ZNF804A: variants seen among roughly 807,000 people sequenced by gnomAD.
ZNF804A encodes zinc finger protein 804A.
In ZNF804A, 2 loss-of-function variants were observed where a neutral mutation model predicts 16.5. That is an observed-to-expected ratio of 0.12 (90% CI 0.05 to 0.38). The LOEUF (loss-of-function observed/expected upper bound fraction) is 0.38. ZNF804A is among the 10% of genes least tolerant of loss of function. ZNF804A has a pLI of 0.99. For synonymous variants in ZNF804A, 534 were observed against 489.6 expected (o/e 1.09, Z -1.20); for missense variants, 1,473 against 1,390.7 (o/e 1.06, Z -0.94).
At chr2:184,860,149 C>T (rs1695774971) in intron 1 of ZNF804A, among the ~76,000 whole-genome samples, 1 of 152,190 alleles carries the variant, frequency 6.6e-6, no homozygotes, top group Non-Finnish European at 1.5e-5. Context: ...GGGCCTTGGC[C>T]TTGGGTCCTC....
At position 184,886,805 on chromosome 2, in the gene ZNF804A, G is replaced by A. The variant is rs187092887; in HGVS notation, c.255+20293G>A. On this transcript the variant is annotated intron_variant, in intron 2 of 3. Coordinates refer to ENST00000302277, the MANE Select transcript of ZNF804A (RefSeq NM_194250.2). ...ACCAAGTCCCTAGGCTGCACACAGC[G>A]TGGGGGCCTGGGGCCTGGCCCACAA... Among the ~76,000 whole-genome samples the A allele has an allele frequency of 3.6e-3, 553 of 152,318 alleles. 4 individuals are homozygous for A. Among genetic ancestry groups the A allele is most frequent in the Non-Finnish European group, 6.3e-3 (426 of 68,030 alleles).
chr2:184,778,819 G>A (rs1694331147), intron 1 of ZNF804A, among the ~76,000 whole-genome samples: 1 of 151,522 alleles, frequency 6.6e-6, no homozygotes, highest in African/African-American at 2.4e-5. Flanking sequence ...GAAGCTCAAG[G>A]ACTAAAATGA....
At chr2:184,759,001 T>A (rs1179317710) in intron 1 of ZNF804A, among the ~76,000 whole-genome samples, 1 of 151,766 alleles carries the variant, frequency 6.6e-6, no homozygotes, top group Non-Finnish European at 1.5e-5. Flanking sequence ...ATTATGTATA[T>A]GCAATATCAT....
chr2:184,745,060 AAGGATTGAGTTATTATACTTTATAT>A (rs1693768430), intron 1 of ZNF804A, among the ~76,000 whole-genome samples: 1 of 151,808 alleles, frequency 6.6e-6, no homozygotes. Context: ...CTGTTGCTCT[AAGGATTGAGTTATTATACTTTATAT>A]TACTTACCAT....
chr2:184,689,768 C>T (rs1425332444), intron 1 of ZNF804A, among the ~76,000 whole-genome samples: 3 of 151,986 alleles, frequency 2.0e-5, no homozygotes, highest in South Asian at 4.1e-4. Flanking sequence ...ACAGAAACTA[C>T]ATTTGGAAGA....
chr2:184,847,479 T>G (rs1378793948), intron 1 of ZNF804A, among the ~76,000 whole-genome samples: 3 of 152,086 alleles, frequency 2.0e-5, no homozygotes, highest in African/African-American at 7.2e-5. Context: ...ACATTTATAA[T>G]GAGACAACAG....
At chr2:184,600,192 A>G (rs1377529261) in intron 1 of ZNF804A, among the ~76,000 whole-genome samples, 2 of 152,180 alleles carry the variant, frequency 1.3e-5, no homozygotes, top group Admixed American at 6.5e-5. Flanking sequence ...TTCTTTATGT[A>G]TCTTAAAATA....
At chr2:184,736,854 T>C (rs970543670) in intron 1 of ZNF804A, among the ~76,000 whole-genome samples, 1 of 136,316 alleles carries the variant, frequency 7.3e-6, no homozygotes. Context: ...AACTCGTATT[T>C]CTTCTTTTTT....
At chr2:184,632,130 G>A (rs1691621935) in intron 1 of ZNF804A, among the ~76,000 whole-genome samples, 1 of 151,786 alleles carries the variant, frequency 6.6e-6, no homozygotes, top group Non-Finnish European at 1.5e-5. Context: ...GTCAGTAGAA[G>A]TATATAATGA....
At chr2:184,716,891 G>A (rs1019843039) in intron 1 of ZNF804A, among the ~76,000 whole-genome samples, 3 of 152,092 alleles carry the variant, frequency 2.0e-5, no homozygotes, top group African/African-American at 7.2e-5. Context: ...TGTATTAAAT[G>A]TCAGATTTTC....
At chr2:184,816,751 T>C (rs542506643) in intron 1 of ZNF804A, among the ~76,000 whole-genome samples, 4 of 151,546 alleles carry the variant, frequency 2.6e-5, no homozygotes, top group Non-Finnish European at 5.9e-5. Flanking sequence ...TTTGGGAGTA[T>C]TTTTTTTGTC....
intron 1 of ZNF804A, among the ~76,000 whole-genome samples, chr2:184,663,776 C>T (rs1295881562): frequency 1.3e-5 from 2 of 152,194 alleles, no homozygotes; most frequent in Non-Finnish European, 2.9e-5. Flanking sequence ...GACTCATTGT[C>T]TTTTGCCCTA....
At chr2:184,803,284 T>C (rs1007147908) in intron 1 of ZNF804A, among the ~76,000 whole-genome samples, 1 of 152,156 alleles carries the variant, frequency 6.6e-6, no homozygotes, top group African/African-American at 2.4e-5. Flanking sequence ...TCTAGTCTCT[T>C]TAAATGTCAT....
chr2:184,936,627 A>G lies in ZNF804A; in HGVS notation c.1231A>G (p.Ile411Val). 8 of 1,614,022 alleles carry G rather than the reference A, an allele frequency of 5.0e-6. No individual in the cohort carries two copies. Among genetic ancestry groups the G allele is most frequent in the Non-Finnish European group, 6.8e-6 (8 of 1,179,932 alleles). Reference sequence around the variant, plus strand: ...AAATACTGAAGAGGTTAACATAACTATACATAAGAAAACAAATTTCTGCAA... The same window carrying G: ...AAATACTGAAGAGGTTAACATAACTGTACATAAGAAAACAAATTTCTGCAA... ...PSNTEEVNIT[I>V]HKKTNFCKRQ... Residue 411 changes from isoleucine to valine, a missense_variant, in exon 4 of 4, where the codon ATA (isoleucine) becomes GTA (valine). Transcript: ENST00000302277.
intron 1 of ZNF804A, among the ~76,000 whole-genome samples, chr2:184,608,429 G>A (rs919112203): frequency 1.1e-4 from 16 of 152,252 alleles, no homozygotes; most frequent in South Asian, 4.1e-4. Flanking sequence ...AACAAAGTGG[G>A]GGTAGGGCTG....
intron 1 of ZNF804A, among the ~76,000 whole-genome samples, chr2:184,658,055 G>T (rs1353375782): frequency 6.6e-6 from 1 of 152,146 alleles, no homozygotes; most frequent in Admixed American, 6.5e-5. Flanking sequence ...TTTCATGGAG[G>T]TCTTCACATA....
At chr2:184,832,646 C>T (rs1336271078) in intron 1 of ZNF804A, among the ~76,000 whole-genome samples, 1 of 151,550 alleles carries the variant, frequency 6.6e-6, no homozygotes, top group Non-Finnish European at 1.5e-5. Flanking sequence ...TTTTTTTATA[C>T]TTTTCATTCT....
intron 2 of ZNF804A, among the ~76,000 whole-genome samples, chr2:184,875,510 A>G (rs1453670433): frequency 6.6e-6 from 1 of 152,136 alleles, no homozygotes; most frequent in Non-Finnish European, 1.5e-5. Context: ...AGTCCTCACC[A>G]GAAGCAGATG....
intron 1 of ZNF804A, among the ~76,000 whole-genome samples, chr2:184,689,983 G>A (rs1692704035): frequency 6.6e-6 from 1 of 151,812 alleles, no homozygotes; most frequent in Admixed American, 6.6e-5. Flanking sequence ...GACTTTTATG[G>A]AACAATTTTA....
Sources: gnomAD v4.1 joint callset for allele counts (sites outside exome capture counted in the v4.1 genomes callset) on GRCh38, gnomAD v4.1.1 for gene constraint, MANE v1.5 for transcripts, NCBI Gene and HGNC (gene_info 2026-07-23, HGNC 2026-07-21) for gene names.